The following PTGFR variants were observed in gnomAD, a reference collection of about 807,000 sequenced individuals.
PTGFR encodes the protein prostaglandin F2-alpha receptor.
A neutral mutation model predicts 26.2 loss-of-function variants in PTGFR; 15 were observed. The ratio of observed to expected loss-of-function variants is 0.57; its 90% CI spans 0.38 to 0.88. PTGFR has a LOEUF of 0.88. PTGFR is among the 40% of genes least tolerant of loss of function. The pLI, the probability that PTGFR is intolerant of heterozygous loss-of-function variation, is 0.00. For synonymous variants in PTGFR, 165 were observed against 151.1 expected (o/e 1.09, Z -0.68); for missense variants, 369 against 427.2 (o/e 0.86, Z 1.20).
chr1:78,535,829 AT>A (rs939600971), intron 2 of PTGFR, among the ~76,000 whole-genome samples: 2 of 152,176 alleles, frequency 1.3e-5, no homozygotes, highest in Non-Finnish European at 2.9e-5. Context: ...TCCTTAGAAA[AT>A]TCCATTGCAT....
intron 2 of PTGFR, among the ~76,000 whole-genome samples, chr1:78,504,703 A>G (rs1649787888): frequency 6.6e-6 from 1 of 152,016 alleles, no homozygotes; most frequent in African/African-American, 2.4e-5. Flanking sequence ...ATTTGTATTT[A>G]TGTTTTTAAT....
chr1:78,496,274 T>A (rs1321389687), intron 2 of PTGFR, among the ~76,000 whole-genome samples: 2 of 152,190 alleles, frequency 1.3e-5, no homozygotes. Context: ...TTTTTTTCTC[T>A]CACATATCTA....
chr1:78,497,104 A>T (rs1405424220), intron 2 of PTGFR, among the ~76,000 whole-genome samples: 2 of 152,192 alleles, frequency 1.3e-5, no homozygotes, highest in Non-Finnish European at 2.9e-5. Context: ...AAATTAAAAC[A>T]TTTAATGTGT....
At chr1:78,494,710 A>T (rs990304545) in intron 2 of PTGFR, among the ~76,000 whole-genome samples, 5 of 152,136 alleles carry the variant, frequency 3.3e-5, no homozygotes, top group Non-Finnish European at 5.9e-5. Context: ...GGTTCAAGCA[A>T]TTCTCTTGCC....
At chr1:78,534,845 G>A (rs1411802879) in intron 2 of PTGFR, among the ~76,000 whole-genome samples, 2 of 151,880 alleles carry the variant, frequency 1.3e-5, no homozygotes, top group Admixed American at 1.3e-4. Flanking sequence ...ATACTTAGGT[G>A]GTCCTGAATT....
At chr1:78,503,794 C>G (rs1417362123) in intron 2 of PTGFR, among the ~76,000 whole-genome samples, 1 of 152,176 alleles carries the variant, frequency 6.6e-6, no homozygotes, top group Admixed American at 6.5e-5. Flanking sequence ...GAAGGAACCT[C>G]TGATCACAAA....
At chr1:78,520,545 A>G (rs1419506373) in intron 2 of PTGFR, among the ~76,000 whole-genome samples, 3 of 152,054 alleles carry the variant, frequency 2.0e-5, no homozygotes, top group Non-Finnish European at 2.9e-5. Context: ...TTTGCTGACA[A>G]TCTCCTAAGA....
In PTGFR at chr1:78,492,989, C is replaced by G. The variant is rs1465181867; in HGVS notation, c.246C>G (p.Leu82=). The change falls in exon 2 of 3, where the codon CTC becomes CTG. Residue 82 remains leucine (L), a synonymous_variant. Transcript: ENST00000370757. ...TAATCACTGATTTCTTTGGCCATCT[C>G]ATCAATGGAGCCATAGCAGTATTTG... ...GLVITDFFGH[L]INGAIAVFVY... The G allele has an allele frequency of 6.2e-7, 1 of 1,614,196 alleles. No homozygotes were observed. Among genetic ancestry groups the G allele is most frequent in the Non-Finnish European group, 8.5e-7 (1 of 1,180,038 alleles).
chr1:78,536,378 C>G (rs569424526), intron 2 of PTGFR, 28 bp from the exon 3 acceptor site: 1 of 1,581,008 alleles, frequency 6.3e-7, no homozygotes, highest in Admixed American at 1.8e-5. Flanking sequence ...GCTGCATCAA[C>G]TAATTTCCGT....
chr1:78,493,197 G>A lies in PTGFR; in HGVS notation c.454G>A (p.Val152Met), dbSNP rs753095259. 11 of 1,614,164 alleles carry A rather than the reference G, an allele frequency of 6.8e-6. No individual in the cohort carries two copies. The highest frequency in any genetic ancestry group is 8.5e-6 in the Non-Finnish European group (10 of 1,180,030). Residue 152 changes from valine (V) to methionine (M), a missense_variant, in exon 2 of 3, where the codon GTG becomes ATG. Val to Met is a conservative substitution (Grantham distance 21). Coordinates refer to ENST00000370757, the MANE Select transcript of PTGFR (RefSeq NM_000959.4). ...TTCTACGAAAATTACATCCAAACATGTGAAAATGATGTTAAGTGGTGTGTG... is the reference window on the plus strand; with the variant it reads ...TTCTACGAAAATTACATCCAAACATATGAAAATGATGTTAAGTGGTGTGTG... ...FHSTKITSKH[V>M]KMMLSGVCLF...
At chr1:78,495,274 T>C (rs1411601004) in intron 2 of PTGFR, among the ~76,000 whole-genome samples, 2 of 152,202 alleles carry the variant, frequency 1.3e-5, no homozygotes, top group South Asian at 2.1e-4. Context: ...GTTGTATGAA[T>C]TGAATAACAG....
At chr1:78,495,262 T>C (rs554560537) in intron 2 of PTGFR, among the ~76,000 whole-genome samples, 2 of 152,340 alleles carry the variant, frequency 1.3e-5, no homozygotes, top group South Asian at 2.1e-4. Flanking sequence ...GATTAAAGTA[T>C]AGTTGTATGA....
At chr1:78,532,448 GTA>G (rs1219983994) in intron 2 of PTGFR, 1 of 107,592 alleles carries the variant, frequency 9.3e-6, no homozygotes, top group Non-Finnish European at 1.8e-5. Context: ...ATTTGTGTGT[GTA>G]TATGTGTATA....
Position 78,494,692 on chromosome 1 carries a change from G to A in PTGFR, c.798+1151G>A, listed in dbSNP as rs146867080. ...GCGATCTCGGCTTATTGCAACCTCC[G>A]CCTCCCAGGTTCAAGCAATTCTCTT... On this transcript the variant is annotated intron_variant, in intron 2 of 2. Transcript: ENST00000370757. 3.7e-3 allele frequency among the ~76,000 whole-genome samples: 560 copies of A among 152,192 alleles called. 3 individuals are homozygous for A. Among genetic ancestry groups the A allele is most frequent in the African/African-American group, 0.012 (512 of 41,512 alleles).
intron 2 of PTGFR, among the ~76,000 whole-genome samples, chr1:78,495,538 G>T (rs1276105518): frequency 6.6e-6 from 1 of 152,218 alleles, no homozygotes; most frequent in African/African-American, 2.4e-5. Flanking sequence ...TACAATGAAG[G>T]TTGTGTCTCT....
chr1:78,531,512 C>G (rs1650505895), intron 2 of PTGFR, among the ~76,000 whole-genome samples: 1 of 152,140 alleles, frequency 6.6e-6, no homozygotes, highest in Non-Finnish European at 1.5e-5. Flanking sequence ...TTAAAACTCA[C>G]TTTAACTTTA....
chr1:78,531,146 C>G (rs543872391), intron 2 of PTGFR, among the ~76,000 whole-genome samples: 2 of 152,210 alleles, frequency 1.3e-5, no homozygotes, highest in Admixed American at 6.5e-5. Context: ...ATTTGATGGC[C>G]AGAAGTAGGT....
intron 2 of PTGFR, among the ~76,000 whole-genome samples, chr1:78,519,676 T>C (rs1376917112): frequency 6.6e-6 from 1 of 152,136 alleles, no homozygotes; most frequent in Non-Finnish European, 1.5e-5. Context: ...CAGAACCAGC[T>C]TTGTTACAAA....
chr1:78,517,371 G>A (rs780048650), intron 2 of PTGFR, among the ~76,000 whole-genome samples: 70 of 152,030 alleles, frequency 4.6e-4, no homozygotes, highest in Non-Finnish European at 2.1e-4. Context: ...GGGTAAGGAC[G>A]GTTTGGAAAG....
Sources: gnomAD v4.1 joint callset for allele counts (sites outside exome capture counted in the v4.1 genomes callset) on GRCh38, gnomAD v4.1.1 for gene constraint, MANE v1.5 for transcripts, NCBI Gene and HGNC (gene_info 2026-07-23, HGNC 2026-07-21) for gene names.